The following IP6K2 variants were observed in gnomAD, a reference collection of about 807,000 sequenced individuals.
IP6K2 encodes the protein ATP:1D-myo-inositol-hexakisphosphate phosphotransferase.
In IP6K2, 9 loss-of-function variants were observed where a neutral mutation model predicts 43.3. The ratio of observed to expected loss-of-function variants is 0.21; its 90% CI spans 0.13 to 0.36. The LOEUF (loss-of-function observed/expected upper bound fraction) is 0.36, where lower values mean the gene tolerates loss of function less well. Among genes scored for constraint, IP6K2 ranks in the 10% least tolerant of loss-of-function variants. The probability of loss-of-function intolerance (pLI) is 1.00; values close to 1 mark genes in which losing one functional copy is unlikely to be tolerated. For missense variants in IP6K2, 332 were observed against 538.4 expected, an observed-to-expected ratio of 0.62 and a Z score of 3.79; for synonymous variants, 209 against 202.4, an observed-to-expected ratio of 1.03 and a Z score of -0.28.
chr3:48,694,206 G>A (rs1200609000), intron 2 of IP6K2: 4 of 1,551,254 alleles, frequency 2.6e-6, no homozygotes, highest in Non-Finnish European at 3.5e-6. Flanking sequence ...AATGGGGCAG[G>A]GATGGCCAGC....
chr3:48,710,815 T>C (rs2080415911), intron 1 of IP6K2, among the ~76,000 whole-genome samples: 1 of 152,182 alleles, frequency 6.6e-6, no homozygotes, highest in South Asian at 2.1e-4. Flanking sequence ...TTCACCGTGT[T>C]AGCCAGGATG....
chr3:48,714,331 C>T (rs972412300), intron 1 of IP6K2, among the ~76,000 whole-genome samples: 3 of 151,668 alleles, frequency 2.0e-5, no homozygotes, highest in Admixed American at 6.6e-5. Context: ...CCTCCCGAAG[C>T]GTTGGTGTTA....
chr3:48,699,078 A>G (rs1028242525), intron 1 of IP6K2, among the ~76,000 whole-genome samples: 1 of 152,146 alleles, frequency 6.6e-6, no homozygotes, highest in African/African-American at 2.4e-5. Context: ...AAAATAAACA[A>G]AAACAGTCCT....
chr3:48,705,719 T>A (rs1399512419), intron 1 of IP6K2, among the ~76,000 whole-genome samples: 1 of 151,482 alleles, frequency 6.6e-6, no homozygotes, highest in East Asian at 1.9e-4. Flanking sequence ...ATACTACAGC[T>A]TGGCCAAGCG....
In IP6K2 at chr3:48,695,720, G is replaced by A; in HGVS notation, c.-130-299C>T. ...CCGCAGGCAAAACTGATGCCATGGTGAGGTGAAATCACAATTTCAAGCCTA... is the reference window on the plus strand; with the variant it reads ...CCGCAGGCAAAACTGATGCCATGGTAAGGTGAAATCACAATTTCAAGCCTA... On this transcript the variant is annotated intron_variant, in intron 1 of 5. Transcript: ENST00000328631. This position sits in a 1 kb window ranked among gnomAD's most constrained non-coding sequence, Gnocchi z 4.6. 1 of 294,864 alleles carries A rather than the reference G, an allele frequency of 3.4e-6. No homozygotes were observed. Among genetic ancestry groups the A allele is most frequent in the Non-Finnish European group, 6.2e-6 (1 of 160,144 alleles). 18.3% of individuals were successfully genotyped at this position (294,864 alleles called of 1,614,324 possible).
chr3:48,689,744 G>A lies in IP6K2; in HGVS notation c.605-31C>T, dbSNP rs545420863. 184 of 1,597,062 alleles carry A rather than the reference G, an allele frequency of 1.2e-4. 6 individuals are homozygous for A. In the South Asian group the frequency reaches 1.9e-3, roughly 17 times the overall value. The stretch of plus-strand genomic sequence containing the variant: ...TAGTTAAGAATAATACCCCCAAAAG[G>A]AAGTGCTACTGCATGGGTCCTTGGC... On this transcript the variant is annotated intron_variant, in intron 4 of 5. Transcript: ENST00000328631.
Position 48,712,757 on chromosome 3 carries a change from C to T in IP6K2, c.-131+4400G>A, listed in dbSNP as rs556756193. Among the ~76,000 whole-genome samples the T allele has an allele frequency of 2.6e-5, 4 of 151,962 alleles. No homozygotes were observed. In the East Asian group the frequency reaches 7.8e-4, roughly 30 times the overall value. ...GCAGGCCGGGCGCAGTGGCTCACAC[C>T]TGTAATCCCAGCACTTTGGAAGGCC... On this transcript the variant is annotated intron_variant, in intron 1 of 5. Transcript: ENST00000328631.
At chr3:48,712,935 C>T (rs560634653) in intron 1 of IP6K2, among the ~76,000 whole-genome samples, 19 of 152,172 alleles carry the variant, frequency 1.2e-4, no homozygotes, top group Admixed American at 1.2e-3. Flanking sequence ...ATCGCTTAAA[C>T]CCAGGAGGCA....
chr3:48,697,464 T>A (rs1294075941), intron 1 of IP6K2, among the ~76,000 whole-genome samples: 1 of 145,790 alleles, frequency 6.9e-6, no homozygotes, highest in Non-Finnish European at 1.5e-5. Context: ...TAGCTGGGAC[T>A]ACAGGCACCC....
chr3:48,711,965 G>C (rs887712107), intron 1 of IP6K2, among the ~76,000 whole-genome samples: 8 of 152,130 alleles, frequency 5.3e-5, no homozygotes, highest in Admixed American at 1.3e-4. Flanking sequence ...TGAGGAGGAA[G>C]GAACCATGGC....
At chr3:48,692,878 G>A (rs2077922509) in intron 3 of IP6K2, 76 bp downstream of exon 3, 3 of 1,049,228 alleles carry the variant, frequency 2.9e-6, no homozygotes, top group Admixed American at 2.1e-5. Context: ...CTTAGCTCCA[G>A]GGAACTGGGC....
chr3:48,703,641 C>T (rs780066061), intron 1 of IP6K2, among the ~76,000 whole-genome samples: 66 of 151,882 alleles, frequency 4.3e-4, no homozygotes, highest in Non-Finnish European at 7.7e-4. Flanking sequence ...GGCGTGAACC[C>T]GGGAAGCAGA....
rs758121580 is a variant in IP6K2 at position 48,695,054 on chromosome 3, G to C, written c.202+36C>G. ...TGGCCACGATCTCTCACATCTCCTC[G>C]CCAGTGTGGCAACCCCTCCAGCAGC... On this transcript the variant is annotated intron_variant, in intron 2 of 5. Coordinates refer to ENST00000328631, the MANE Select transcript of IP6K2 (RefSeq NM_016291.4). This position sits in a 1 kb window ranked among gnomAD's most constrained non-coding sequence, Gnocchi z 4.6. The C allele has an allele frequency of 1.9e-6, 3 of 1,614,114 alleles. No individual in the cohort carries two copies. The highest frequency in any genetic ancestry group is 2.2e-5 in the South Asian group (2 of 91,082).
chr3:48,701,503 GC>G (rs2079030304), intron 1 of IP6K2, among the ~76,000 whole-genome samples: 1 of 143,582 alleles, frequency 7.0e-6, no homozygotes, highest in African/African-American at 2.6e-5. Context: ...GGAGGTGGAG[GC>G]TACAGTGAGC....
chr3:48,711,137 C>A (rs1409046594), intron 1 of IP6K2, among the ~76,000 whole-genome samples: 1 of 152,102 alleles, frequency 6.6e-6, no homozygotes, highest in African/African-American at 2.4e-5. Flanking sequence ...TGTCGAACTC[C>A]TGGGATTAAA....
chr3:48,707,187 C>G (rs1191892934), intron 1 of IP6K2, among the ~76,000 whole-genome samples: 1 of 152,134 alleles, frequency 6.6e-6, no homozygotes, highest in African/African-American at 2.4e-5. Context: ...GCACACATTA[C>G]CTTTATAACT....
intron 1 of IP6K2, among the ~76,000 whole-genome samples, chr3:48,698,154 G>A (rs1387334988): frequency 6.6e-6 from 1 of 152,198 alleles, no homozygotes; most frequent in African/African-American, 2.4e-5. Flanking sequence ...GGAGCTCTGA[G>A]AAGTCTGGCC....
chr3:48,703,734 A>G (rs2079347902), intron 1 of IP6K2, among the ~76,000 whole-genome samples: 1 of 151,964 alleles, frequency 6.6e-6, no homozygotes, highest in African/African-American at 2.4e-5. Context: ...AAAACAAAAC[A>G]AAACAAAAAT....
chr3:48,696,505 G>A (rs1237551093), intron 1 of IP6K2, among the ~76,000 whole-genome samples: 1 of 152,162 alleles, frequency 6.6e-6, no homozygotes, highest in Non-Finnish European at 1.5e-5. Context: ...TGCTCTTGGG[G>A]CAATCAGAGC....
Sources: allele counts gnomAD v4.1 joint callset (sites outside exome capture counted in the v4.1 genomes callset), GRCh38; gene constraint gnomAD v4.1.1; non-coding constraint Gnocchi (gnomAD v3.1); transcripts MANE v1.5; gene names NCBI Gene and HGNC (gene_info 2026-07-23, HGNC 2026-07-21).